PREX2: variants seen among roughly 807,000 people sequenced by gnomAD.
PREX2 encodes phosphatidylinositol-3,4,5-trisphosphate dependent Rac exchange factor 2, also known as phosphatidylinositol 3,4,5-trisphosphate-dependent Rac exchanger 2 protein.
In PREX2, 107 loss-of-function variants were observed where a neutral mutation model predicts 203.2. The observed-to-expected ratio is 0.53, with a 90% CI of 0.45 to 0.62. PREX2 has a LOEUF of 0.62. Among genes scored for constraint, PREX2 ranks in the 20% least tolerant of loss-of-function variants. The probability of loss-of-function intolerance (pLI) is 0.00; values close to 1 mark genes in which losing one functional copy is unlikely to be tolerated. For missense variants in PREX2, 1,777 were observed against 1,955.9 expected, an observed-to-expected ratio of 0.91 and a Z score of 1.72; for synonymous variants, 672 against 663.6, an observed-to-expected ratio of 1.01 and a Z score of -0.19.
At chr8:68,196,456 A>G (rs1212867876) in intron 37 of PREX2, among the ~76,000 whole-genome samples, 1 of 147,154 alleles carries the variant, frequency 6.8e-6, no homozygotes, top group East Asian at 2.0e-4. Context: ...ATTTAATAAA[A>G]TGGAGACACT....
intron 31 of PREX2, 90 bp from the exon 32 acceptor site, chr8:68,133,969 G>T: frequency 1.0e-6 from 1 of 993,040 alleles, no homozygotes; most frequent in Non-Finnish European, 1.5e-6. Flanking sequence ...GTGAAAAGAT[G>T]AAATGCTAGT....
At chr8:68,127,237 T>C in intron 30 of PREX2, 141 bp from the exon 31 acceptor site, 1 of 570,250 alleles carries the variant, frequency 1.8e-6, no homozygotes, top group South Asian at 2.9e-5. Flanking sequence ...TTGCCATCCA[T>C]TGAAAGTAAT....
chr8:68,097,326 C>CA, intron 22 of PREX2, 125 bp downstream of exon 22: 21 of 574,500 alleles, frequency 3.7e-5, no homozygotes, highest in Non-Finnish European at 5.1e-5. Flanking sequence ...ATTCAAACTT[C>CA]TTTTTTTTTT....
intron 7 of PREX2, among the ~76,000 whole-genome samples, chr8:68,040,173 C>T (rs895130128): frequency 2.0e-5 from 3 of 152,074 alleles, no homozygotes; most frequent in Admixed American, 1.3e-4. Context: ...GCACTATAGG[C>T]GCATGCTGCC....
At chr8:68,190,694 C>T (rs1245968548) in intron 35 of PREX2, among the ~76,000 whole-genome samples, 1 of 151,836 alleles carries the variant, frequency 6.6e-6, no homozygotes, top group Non-Finnish European at 1.5e-5. Context: ...CAAATCCCAC[C>T]ATTATGTAAT....
At chr8:67,962,497 C>G (rs1805658446) in intron 1 of PREX2, among the ~76,000 whole-genome samples, 1 of 151,824 alleles carries the variant, frequency 6.6e-6, no homozygotes, top group Admixed American at 6.6e-5. Context: ...TCATTATTTT[C>G]CCAGAGGTAT....
intron 1 of PREX2, among the ~76,000 whole-genome samples, chr8:68,002,155 CT>C (rs35931451): frequency 6.4e-5 from 9 of 140,114 alleles, no homozygotes; most frequent in Admixed American, 7.3e-5. Flanking sequence ...TTCTTTCTTT[CT>C]TTTTTTTTTG....
intron 6 of PREX2, among the ~76,000 whole-genome samples, chr8:68,034,989 GGC>G (rs1027930603): frequency 5.9e-5 from 9 of 151,946 alleles, no homozygotes; most frequent in African/African-American, 2.2e-4. Context: ...GTTTAAAAGA[GGC>G]GCAAAATTTC....
intron 1 of PREX2, among the ~76,000 whole-genome samples, chr8:67,987,519 G>A (rs1806470568): frequency 6.6e-6 from 1 of 152,102 alleles, no homozygotes; most frequent in African/African-American, 2.4e-5. Context: ...GTTGCAGCTG[G>A]CATTGAAAGG....
At position 68,171,493 on chromosome 8, in the gene PREX2, C is replaced by T. The variant is rs557003053; in HGVS notation, c.4346+14057C>T. ...CTACTTCTGCAGGAAAAAAAAAAAT[C>T]GGTAGCTATGCTCCCCTGAAATGCG... On this transcript the variant is annotated intron_variant, in intron 35 of 39. Transcript: ENST00000288368. Among the ~76,000 whole-genome samples the T allele has an allele frequency of 1.6e-4, 24 of 150,888 alleles. No individual in the cohort carries two copies. The East Asian group carries it at 2.9e-3, about 18-fold the overall frequency.
rs183494834 is a variant in PREX2, at chr8:68,218,855, G to C, written c.4707+1137G>C. Reference sequence around the variant, plus strand: ...ATCTTAGAAGGTCCAAGAGAGATTTGTTAAGTAAAGTTTAGAGCTAAGAAG... The same window carrying C: ...ATCTTAGAAGGTCCAAGAGAGATTTCTTAAGTAAAGTTTAGAGCTAAGAAG... On this transcript the variant is annotated intron_variant, in intron 38 of 39. Coordinates refer to ENST00000288368, the MANE Select transcript of PREX2 (RefSeq NM_024870.4). Among the ~76,000 whole-genome samples the C allele has an allele frequency of 1.8e-4, 28 of 152,322 alleles. 1 individual carries two copies. The highest frequency in any genetic ancestry group is 6.7e-4 in the African/African-American group (28 of 41,574).
chr8:68,219,328 A>T (rs1441610226), intron 38 of PREX2, among the ~76,000 whole-genome samples: 1 of 152,210 alleles, frequency 6.6e-6, no homozygotes, highest in Non-Finnish European at 1.5e-5. Context: ...TATTGATATT[A>T]TGCAGGCCCC....
intron 39 of PREX2, among the ~76,000 whole-genome samples, chr8:68,230,996 A>G (rs1813155714): frequency 6.6e-6 from 1 of 152,160 alleles, no homozygotes. Flanking sequence ...AATTATCGTA[A>G]TAATATCATT....
chr8:68,047,508 CACATACAT>C (rs1373016856), intron 8 of PREX2, among the ~76,000 whole-genome samples: 3,859 of 55,552 alleles, frequency 0.069, 239 homozygotes, highest in African/African-American at 0.33. Context: ...TATATATATA[CACATACAT>C]ATATATATAT....
At chr8:68,028,104 C>T (rs1378107806) in intron 5 of PREX2, among the ~76,000 whole-genome samples, 1 of 151,812 alleles carries the variant, frequency 6.6e-6, no homozygotes, top group Non-Finnish European at 1.5e-5. Context: ...TGTAATCGAA[C>T]CTCTTAATGC....
chr8:68,176,201 GA>G (rs1395703003), intron 35 of PREX2, among the ~76,000 whole-genome samples: 2 of 152,168 alleles, frequency 1.3e-5, no homozygotes, highest in Non-Finnish European at 2.9e-5. Context: ...AACACAATGA[GA>G]GATGACAGAG....
chr8:68,124,631 G>A (rs1344426785), intron 30 of PREX2, among the ~76,000 whole-genome samples: 2 of 151,954 alleles, frequency 1.3e-5, no homozygotes, highest in Non-Finnish European at 2.9e-5. Flanking sequence ...ATGTACCCTT[G>A]AACTTAAAAG....
chr8:68,183,531 C>T (rs1038620238), intron 35 of PREX2, among the ~76,000 whole-genome samples: 17 of 152,012 alleles, frequency 1.1e-4, no homozygotes, highest in African/African-American at 3.6e-4. Context: ...TGTTGCCATT[C>T]GAAAATATGT....
intron 35 of PREX2, among the ~76,000 whole-genome samples, chr8:68,173,450 C>T (rs990669367): frequency 9.2e-5 from 14 of 152,210 alleles, no homozygotes; most frequent in African/African-American, 3.1e-4. Context: ...TGAAACCTTG[C>T]CACCATTGCT....
Sources: gnomAD v4.1 joint callset for allele counts (sites outside exome capture counted in the v4.1 genomes callset) on GRCh38, gnomAD v4.1.1 for gene constraint, MANE v1.5 for transcripts, NCBI Gene and HGNC (gene_info 2026-07-23, HGNC 2026-07-21) for gene names.